The following GMDS variants were observed in gnomAD, a reference collection of about 807,000 sequenced individuals.
GMDS encodes the protein GDP-mannose 4,6 dehydratase.
In GMDS, 20 loss-of-function variants were observed where a neutral mutation model predicts 49.9. The observed-to-expected ratio is 0.40, with a 90% confidence interval of 0.28 to 0.58. The LOEUF is 0.58. GMDS is among the 20% of genes least tolerant of loss of function. The pLI is 0.42. For missense variants in GMDS, 362 were observed against 481.4 expected (o/e 0.75, Z 2.32); for synonymous variants, 177 against 178.6 (o/e 0.99, Z 0.07).
At chr6:1,649,739 T>C (rs1763592932) in intron 9 of GMDS, among the ~76,000 whole-genome samples, 1 of 152,246 alleles carries the variant, frequency 6.6e-6, no homozygotes, top group East Asian at 1.9e-4. Context: ...AACTGTCTCT[T>C]CTTTAGTTTT....
chr6:1,686,779 G>A (rs1321458280), intron 9 of GMDS, among the ~76,000 whole-genome samples: 1 of 152,200 alleles, frequency 6.6e-6, no homozygotes, highest in African/African-American at 2.4e-5. Context: ...CCAGGTTGCA[G>A]GGCTGGCAAT....
chr6:1,776,120 C>T (rs7760202), intron 7 of GMDS, among the ~76,000 whole-genome samples: 68,126 of 151,482 alleles, frequency 0.45, 16,410 homozygotes, highest in African/African-American at 0.62. Flanking sequence ...CAACGAAAGC[C>T]GTGACCGTTC....
At chr6:1,692,803 A>G (rs1765220266) in intron 9 of GMDS, among the ~76,000 whole-genome samples, 1 of 152,206 alleles carries the variant, frequency 6.6e-6, no homozygotes, top group South Asian at 2.1e-4. Flanking sequence ...TAAGGTTCTA[A>G]AAATTAGTTT....
chr6:1,624,288 C>A, intron 10 of GMDS, 57 bp from the exon 11 acceptor site: 1 of 1,525,028 alleles, frequency 6.6e-7, no homozygotes, highest in Non-Finnish European at 9.1e-7. Context: ...CCTGGTGACA[C>A]CCCACCCCGG....
chr6:1,958,419 T>A (rs1763761834), intron 6 of GMDS, among the ~76,000 whole-genome samples: 1 of 152,140 alleles, frequency 6.6e-6, no homozygotes, highest in Admixed American at 6.5e-5. Context: ...GGCGCCCTCA[T>A]ACCACATGCT....
At chr6:2,067,776 G>C (rs1251903022) in intron 4 of GMDS, among the ~76,000 whole-genome samples, 1 of 145,838 alleles carries the variant, frequency 6.9e-6, no homozygotes, top group Admixed American at 6.9e-5. Flanking sequence ...ATAATCAATA[G>C]CTTACCAACC....
At chr6:1,671,401 C>T (rs1764417104) in intron 9 of GMDS, among the ~76,000 whole-genome samples, 1 of 152,162 alleles carries the variant, frequency 6.6e-6, no homozygotes, top group Admixed American at 6.5e-5. Flanking sequence ...AGGTTGAATG[C>T]CTTGCTTTTG....
chr6:2,124,945 C>T (rs536759869), intron 1 of GMDS, among the ~76,000 whole-genome samples: 1 of 152,278 alleles, frequency 6.6e-6, no homozygotes, highest in African/African-American at 2.4e-5. Context: ...TTGAGCTCCA[C>T]AGAAGACAGA....
chr6:1,624,113 AC>A lies in GMDS; in HGVS notation c.*55del. The A allele has an allele frequency of 9.4e-6, 14 of 1,484,942 alleles. No homozygotes were observed. Among genetic ancestry groups the A allele is most frequent in the Non-Finnish European group, 1.3e-5 (14 of 1,075,210 alleles). 92.0% of individuals were successfully genotyped at this position (1,484,942 alleles called of 1,614,324 possible). On this transcript the variant is annotated 3_prime_UTR_variant, in exon 11 of 11. Coordinates refer to ENST00000380815, the MANE Select transcript of GMDS (RefSeq NM_001500.4). ...CTCCCCATCCCCGCAGCGCGTCTGCACCGGAGACTCTGCGGGGATTGTAGCC... is the reference window on the plus strand; with the variant it reads ...CTCCCCATCCCCGCAGCGCGTCTGCACGGAGACTCTGCGGGGATTGTAGCC...
chr6:1,645,602 T>C (rs569722329), intron 9 of GMDS, among the ~76,000 whole-genome samples: 3 of 152,236 alleles, frequency 2.0e-5, no homozygotes, highest in Non-Finnish European at 4.4e-5. Context: ...TTGGCTTTAG[T>C]GTCTCTGCTT....
intron 7 of GMDS, among the ~76,000 whole-genome samples, chr6:1,811,768 T>C (rs1407416999): frequency 6.6e-6 from 1 of 152,230 alleles, no homozygotes; most frequent in African/African-American, 2.4e-5. Context: ...ACTGGTTTTC[T>C]ATTCCTATTT....
intron 7 of GMDS, among the ~76,000 whole-genome samples, chr6:1,756,236 A>T (rs1262484973): frequency 6.6e-6 from 1 of 151,960 alleles, no homozygotes; most frequent in Non-Finnish European, 1.5e-5. Context: ...AGCCATCCCA[A>T]AGCTTCATGG....
intron 9 of GMDS, among the ~76,000 whole-genome samples, chr6:1,703,458 C>T (rs1488366537): frequency 1.3e-5 from 2 of 151,096 alleles, no homozygotes; most frequent in African/African-American, 4.9e-5. Context: ...TAGTTAGAGA[C>T]TTGCATTCAA....
At chr6:1,809,921 C>T (rs1406036539) in intron 7 of GMDS, among the ~76,000 whole-genome samples, 1 of 152,070 alleles carries the variant, frequency 6.6e-6, no homozygotes, top group African/African-American at 2.4e-5. Context: ...GTCTTATTTG[C>T]ACATATCAAA....
chr6:1,712,177 A>G (rs538615074), intron 9 of GMDS, among the ~76,000 whole-genome samples: 1 of 152,354 alleles, frequency 6.6e-6, no homozygotes, highest in South Asian at 2.1e-4. Flanking sequence ...ATTAAGTCAG[A>G]TTAATCCAGA....
At chr6:1,908,228 C>G (rs957209003) in intron 7 of GMDS, among the ~76,000 whole-genome samples, 12 of 152,184 alleles carry the variant, frequency 7.9e-5, no homozygotes, top group Non-Finnish European at 1.3e-4. Flanking sequence ...GAGATTTCAT[C>G]ATGCTACTCA....
chr6:2,237,667 G>A (rs894785183), intron 1 of GMDS, among the ~76,000 whole-genome samples: 21 of 151,610 alleles, frequency 1.4e-4, no homozygotes, highest in African/African-American at 3.6e-4. Flanking sequence ...GATTCCAGGC[G>A]CCCACCACCA....
chr6:2,160,280 T>G (rs565541038), intron 1 of GMDS, among the ~76,000 whole-genome samples: 2 of 152,088 alleles, frequency 1.3e-5, no homozygotes, highest in Admixed American at 6.6e-5. Flanking sequence ...ATCAGAAGAG[T>G]GACAGTGGCT....
chr6:2,059,183 A>C (rs1412063560), intron 4 of GMDS, among the ~76,000 whole-genome samples: 1 of 147,530 alleles, frequency 6.8e-6, no homozygotes, highest in Middle Eastern at 3.2e-3. Context: ...CTCAAAAAAA[A>C]AAAAAAAAAA....
Sources: allele counts gnomAD v4.1 joint callset (sites outside exome capture counted in the v4.1 genomes callset), GRCh38; gene constraint gnomAD v4.1.1; transcripts MANE v1.5; gene names NCBI Gene and HGNC (gene_info 2026-07-23, HGNC 2026-07-21).